Variants in IFT56 observed in about 807,000 individuals in gnomAD.
The protein encoded by IFT56 is intraflagellar transport protein 56.
the IFT56 span, chr7:139,139,890 G>A: frequency 6.2e-7 from 1 of 1,604,414 alleles, no homozygotes; most frequent in African/African-American, 1.3e-5. Flanking sequence ...TATATTTCAG[G>A]AATACGAAAA....
chr7:139,174,775 C>T, the IFT56 span, among the ~76,000 whole-genome samples: 3 of 152,080 alleles, frequency 2.0e-5, no homozygotes, highest in Non-Finnish European at 4.4e-5. Flanking sequence ...AATCCCAGCA[C>T]TTTGGGAGGC....
chr7:139,170,436 GA>G, the IFT56 span, among the ~76,000 whole-genome samples: 2 of 152,076 alleles, frequency 1.3e-5, no homozygotes, highest in South Asian at 4.1e-4. Context: ...CTCAAATGAA[GA>G]GGGATGAAAA....
chr7:139,156,401 C>T, the IFT56 span, among the ~76,000 whole-genome samples: 1 of 149,440 alleles, frequency 6.7e-6, no homozygotes, highest in Non-Finnish European at 1.5e-5. Context: ...TTTTTTTTTA[C>T]AGTTAGGTTA....
chr7:139,184,737 C>T, the IFT56 span, among the ~76,000 whole-genome samples: 2 of 152,146 alleles, frequency 1.3e-5, no homozygotes, highest in East Asian at 3.9e-4. Flanking sequence ...AGTGAGACAT[C>T]GTCTCTATAA....
chr7:139,163,916 C>A, the IFT56 span, among the ~76,000 whole-genome samples: 1 of 152,196 alleles, frequency 6.6e-6, no homozygotes, highest in African/African-American at 2.4e-5. Flanking sequence ...GATGACCTTG[C>A]TTTCTGTGCA....
chr7:139,183,486 AAAAC>A, the IFT56 span, among the ~76,000 whole-genome samples: 1 of 152,200 alleles, frequency 6.6e-6, no homozygotes, highest in African/African-American at 2.4e-5. Context: ...TTGTCAAAGA[AAAAC>A]AAAGAGAATA....
At chr7:139,163,277 GC>G in the IFT56 span, among the ~76,000 whole-genome samples, 1 of 150,560 alleles carries the variant, frequency 6.6e-6, no homozygotes, top group Non-Finnish European at 1.5e-5. Flanking sequence ...GGGAGGCGAA[GC>G]TTGCAGTGAG....
chr7:139,185,203 A>G, the IFT56 span, among the ~76,000 whole-genome samples: 6 of 105,848 alleles, frequency 5.7e-5, no homozygotes, highest in South Asian at 3.5e-4. Flanking sequence ...CTTGTGTCCA[A>G]AAAAAAAGAG....
the IFT56 span, among the ~76,000 whole-genome samples, chr7:139,160,199 G>A: frequency 6.6e-6 from 1 of 152,084 alleles, no homozygotes; most frequent in African/African-American, 2.4e-5. Flanking sequence ...GAACAATCAA[G>A]AATTTAATGA....
the IFT56 span, chr7:139,179,587 T>A: frequency 6.2e-7 from 1 of 1,614,008 alleles, no homozygotes; most frequent in Non-Finnish European, 8.5e-7. Flanking sequence ...TTCCTCTTGA[T>A]CCAAAGTGAG....
At chr7:139,141,156 G>A in the IFT56 span, among the ~76,000 whole-genome samples, 28 of 151,854 alleles carry the variant, frequency 1.8e-4, no homozygotes, top group Admixed American at 1.6e-3. Flanking sequence ...AGCTACTCGG[G>A]AGGCTGAGGC....
At chr7:139,166,104 T>C in the IFT56 span, among the ~76,000 whole-genome samples, 2 of 152,244 alleles carry the variant, frequency 1.3e-5, no homozygotes, top group African/African-American at 2.4e-5. Context: ...ATTACAGGCA[T>C]GCGCCACCAT....
At chr7:139,144,413 G>C in the IFT56 span, among the ~76,000 whole-genome samples, 1 of 151,952 alleles carries the variant, frequency 6.6e-6, no homozygotes, top group Admixed American at 6.6e-5. Context: ...TTATACATTG[G>C]TTTTTGTTAT....
At chr7:139,185,044 A>C in the IFT56 span, among the ~76,000 whole-genome samples, 1 of 135,382 alleles carries the variant, frequency 7.4e-6, no homozygotes, top group Non-Finnish European at 1.5e-5. Flanking sequence ...ACAGGGCGAG[A>C]CTCCATCTCA....
chr7:139,157,609 T>C, the IFT56 span, among the ~76,000 whole-genome samples: 1 of 151,166 alleles, frequency 6.6e-6, no homozygotes, highest in Admixed American at 6.6e-5. Flanking sequence ...GTTTGAGTGA[T>C]CTTTGTGCCT....
the IFT56 span, among the ~76,000 whole-genome samples, chr7:139,138,665 C>T: frequency 6.6e-6 from 1 of 152,210 alleles, no homozygotes; most frequent in South Asian, 2.1e-4. Flanking sequence ...AAGAGAATTT[C>T]ACTTTTCCTT....
chr7:139,169,003 T>C, the IFT56 span, among the ~76,000 whole-genome samples: 2 of 152,198 alleles, frequency 1.3e-5, no homozygotes, highest in Non-Finnish European at 2.9e-5. Context: ...AGGTCTGATA[T>C]ATGGTAAAAG....
At chr7:139,174,325 G>A in the IFT56 span, 1 of 549,862 alleles carries the variant, frequency 1.8e-6, no homozygotes, top group South Asian at 1.4e-5. Context: ...CACACTGGAG[G>A]AGAGATTTAA....
the IFT56 span, among the ~76,000 whole-genome samples, chr7:139,162,914 G>A: frequency 2.0e-5 from 3 of 150,934 alleles, no homozygotes; most frequent in Admixed American, 1.3e-4. Flanking sequence ...AGCCAAGATT[G>A]CACCACTGCA....
Sources: gnomAD v4.1 joint callset for allele counts (sites outside exome capture counted in the v4.1 genomes callset) on GRCh38, gnomAD v4.1.1 for gene constraint, MANE v1.5 for transcripts, NCBI Gene and HGNC (gene_info 2026-07-23, HGNC 2026-07-21) for gene names.